The following FAAP20 variants were observed in gnomAD, a reference collection of about 807,000 sequenced individuals.
FAAP20 encodes Fanconi anemia core complex-associated protein 20.
In FAAP20, 12 loss-of-function variants were observed where a neutral mutation model predicts 16.2. That is an observed-to-expected ratio of 0.74 (90% CI 0.48 to 1.20). The LOEUF (loss-of-function observed/expected upper bound fraction) is 1.20. FAAP20 is among the 50% of genes most tolerant of loss of function. The probability of loss-of-function intolerance (pLI) is 0.00; values close to 1 mark genes in which losing one functional copy is unlikely to be tolerated. For missense variants in FAAP20, 288 were observed against 245.8 expected (o/e 1.17, Z -1.15); for synonymous variants, 141 against 110.7 (o/e 1.27, Z -1.72).
At position 2,193,833 on chromosome 1, in the gene FAAP20, C is replaced by T. The variant is rs370605019; in HGVS notation, c.276G>A (p.Pro92=). ...AGGAACGGCCCGGGCCCCACAGGTC[C>T]GGCGGAAAGGGTGTCCAGGAAAAGG... is the stretch of plus-strand genomic sequence containing the variant. The part of the protein sequence containing the change: ...PKTFSWTPFP[P]DLWGPGRSYR... Residue 92 remains proline, a synonymous_variant, in exon 3 of 4, where the codon CCG becomes CCA. Transcript: ENST00000378546. 243 of 1,611,404 alleles carry T rather than the reference C, an allele frequency of 1.5e-4. No homozygotes were observed. The highest frequency in any genetic ancestry group is 1.8e-4 in the Non-Finnish European group (216 of 1,179,564).
intron 3 of FAAP20, chr1:2,192,551 C>T: frequency 1.7e-5 from 17 of 1,025,012 alleles, no homozygotes; most frequent in East Asian, 8.8e-5. Flanking sequence ...GGGGCAGCAC[C>T]CTGACAGCAA....
rs1156740471 is a variant in FAAP20 at position 2,194,721 on chromosome 1, C to T, written c.29G>A (p.Gly10Glu). The part of the protein sequence containing the change: MEAARRPRL[G>E]LSRRRPRPAG... The stretch of plus-strand genomic sequence containing the variant: ...CGGGCGCGGCCTCCGGCGGCTCAAC[C>T]CCAGCCGCGGCCTCCGCGCCGCCTC... Residue 10 changes from glycine to glutamate, a missense_variant, in exon 1 of 4, where the codon GGG becomes GAG. Coordinates refer to ENST00000378546, the MANE Select transcript of FAAP20 (RefSeq NM_182533.4). 64 of 1,191,778 alleles carry T rather than the reference C, an allele frequency of 5.4e-5. No homozygotes were observed. The highest frequency in any genetic ancestry group is 6.4e-5 in the Non-Finnish European group (62 of 964,344). The allele number at this position is 1,191,778 out of a possible 1,614,324, so 73.8% of individuals were successfully genotyped here.
chr1:2,194,815 C>T, upstream of FAAP20: 1 of 1,088,640 alleles, frequency 9.2e-7, no homozygotes, highest in African/African-American at 1.7e-5. Flanking sequence ...CCGCCCCCGC[C>T]CCGGCCCCGC....
upstream of FAAP20, among the ~76,000 whole-genome samples, chr1:2,196,143 G>C (rs1319143721): frequency 2.0e-5 from 3 of 152,210 alleles, no homozygotes; most frequent in African/African-American, 7.2e-5. This position sits in a 1 kb window ranked among gnomAD's most constrained non-coding sequence, Gnocchi z 4.5. Flanking sequence ...CCAGTGTCCA[G>C]GGCTCCCCGA....
At chr1:2,203,426 G>A, upstream of FAAP20, 1 of 985,750 alleles carries the variant, frequency 1.0e-6, no homozygotes, top group Non-Finnish European at 1.2e-6. Context: ...ACTGTTCCTG[G>A]CAGCCTCACC....
chr1:2,187,976 A>G (rs1687767750), downstream of FAAP20, among the ~76,000 whole-genome samples: 2 of 152,164 alleles, frequency 1.3e-5, no homozygotes, highest in Admixed American at 1.3e-4. Flanking sequence ...CCTTTTCCAG[A>G]ACCCCCTAGG....
At chr1:2,186,049 G>C (rs1015739135), downstream of FAAP20, 1 of 452,920 alleles carries the variant, frequency 2.2e-6, no homozygotes, top group East Asian at 7.0e-5. Context: ...CTTCCTAGAG[G>C]CAGGGCTGCC....
chr1:2,203,657 G>C, upstream of FAAP20: 2 of 985,808 alleles, frequency 2.0e-6, no homozygotes, highest in South Asian at 4.7e-5. Context: ...TATCAGGCTG[G>C]GGCCGGCTGC....
At chr1:2,199,368 C>T (rs1003430955), upstream of FAAP20, 20 of 1,023,732 alleles carry the variant, frequency 2.0e-5, no homozygotes, top group East Asian at 1.1e-4. This position sits in a 1 kb window ranked among gnomAD's most constrained non-coding sequence, Gnocchi z 4.5. Context: ...CCTGCTCTGA[C>T]GTCCCCCCGC....
At chr1:2,185,006 G>T (rs1387922418), downstream of FAAP20, 9 of 1,611,430 alleles carry the variant, frequency 5.6e-6, no homozygotes, top group South Asian at 9.9e-5. Context: ...AGGAGTCGGT[G>T]TGAGGCCGCG....
chr1:2,190,114 C>T, intron 3 of FAAP20: 1 of 534,782 alleles, frequency 1.9e-6, no homozygotes, highest in African/African-American at 1.9e-5. Flanking sequence ...AGACAGGCGG[C>T]CTGACCCGGA....
At chr1:2,192,657 A>G (rs1688366254) in intron 3 of FAAP20, 4 of 1,189,270 alleles carry the variant, frequency 3.4e-6, no homozygotes, top group Non-Finnish European at 3.2e-6. Context: ...TCTGTCACCC[A>G]GGCTGGAGTG....
At chr1:2,198,009 T>C (rs1688891408), upstream of FAAP20, 5 of 1,289,934 alleles carry the variant, frequency 3.9e-6, no homozygotes, top group Admixed American at 2.3e-5. Context: ...AAACATACCT[T>C]GTCCTGCCTG....
chr1:2,211,630 T>TAACAA (rs1689449983), downstream of FAAP20, among the ~76,000 whole-genome samples: 1 of 150,060 alleles, frequency 6.7e-6, no homozygotes, highest in Non-Finnish European at 1.5e-5. Flanking sequence ...GTTATATTTT[T>TAACAA]AGTAGTGACG....
chr1:2,190,685 C>T (rs1272110373), intron 3 of FAAP20: 1 of 330,732 alleles, frequency 3.0e-6, no homozygotes, highest in African/African-American at 2.2e-5. Flanking sequence ...AGACTTGGGC[C>T]TAGATCTTGC....
chr1:2,187,596 G>A (rs776716151), downstream of FAAP20, among the ~76,000 whole-genome samples: 7 of 152,150 alleles, frequency 4.6e-5, no homozygotes, highest in African/African-American at 1.4e-4. Context: ...GAGCTACCGC[G>A]CCCGGCCTGA....
At chr1:2,195,062 G>C (rs1688751260), upstream of FAAP20, among the ~76,000 whole-genome samples, 1 of 151,794 alleles carries the variant, frequency 6.6e-6, no homozygotes, top group Non-Finnish European at 1.5e-5. Context: ...GGCCCGCCCC[G>C]GCACTGCCTC....
chr1:2,194,673 G>C lies in FAAP20; in HGVS notation c.62+15C>G. ...GGGAAAACCGGCCGCGCCCCCGCCC[G>C]GCTCCCGGCCTCACCCGCCCGCCGG... On this transcript the variant is annotated intron_variant, in intron 1 of 3. Coordinates refer to ENST00000378546, the MANE Select transcript of FAAP20 (RefSeq NM_182533.4). The C allele has an allele frequency of 6.6e-6, 7 of 1,066,274 alleles. No homozygotes were observed. Among genetic ancestry groups the C allele is most frequent in the Non-Finnish European group, 8.1e-6 (7 of 864,880 alleles). 66.1% of individuals were successfully genotyped at this position (1,066,274 alleles called of 1,614,324 possible).
downstream of FAAP20, among the ~76,000 whole-genome samples, chr1:2,187,460 C>T (rs991703168): frequency 2.6e-5 from 4 of 152,008 alleles, no homozygotes; most frequent in East Asian, 1.9e-4. Flanking sequence ...ACCTGCCCCA[C>T]GCCCGGCTAA....
Sources: gnomAD v4.1 joint callset for allele counts (sites outside exome capture counted in the v4.1 genomes callset) on GRCh38, gnomAD v4.1.1 for gene constraint, Gnocchi (gnomAD v3.1) non-coding constraint, MANE v1.5 for transcripts, NCBI Gene and HGNC (gene_info 2026-07-23, HGNC 2026-07-21) for gene names.